GCLC: variants seen among roughly 807,000 people sequenced by gnomAD.
The protein encoded by GCLC is glutamate--cysteine ligase catalytic subunit.
A neutral mutation model predicts 81.5 loss-of-function variants in GCLC; 30 were observed. The ratio of observed to expected loss-of-function variants is 0.37; its 90% CI spans 0.28 to 0.50. The LOEUF (loss-of-function observed/expected upper bound fraction) is 0.50, where lower values mean the gene tolerates loss of function less well. Ranked by LOEUF, GCLC falls within the 20% of genes least tolerant of loss-of-function variation. GCLC has a pLI of 0.96. For synonymous variants in GCLC, 262 were observed against 273.3 expected (o/e 0.96, Z 0.41); for missense variants, 556 against 777.4 (o/e 0.72, Z 3.39).
intron 1 of GCLC, among the ~76,000 whole-genome samples, chr6:53,537,891 C>CCA (rs1763283437): frequency 6.6e-6 from 1 of 151,860 alleles, no homozygotes; most frequent in South Asian, 2.1e-4. Flanking sequence ...CACCTGCAAA[C>CCA]CACCTCACTA....
In GCLC at chr6:53,498,841, T is replaced by C. The variant is rs1417473391; in HGVS notation, c.1829A>G (p.Asn610Ser). 2 of 1,613,248 alleles carry C rather than the reference T, an allele frequency of 1.2e-6. No individual in the cohort carries two copies. Among genetic ancestry groups the C allele is most frequent in the Non-Finnish European group, 1.7e-6 (2 of 1,179,250 alleles). ...TAACTCTGGGCATTCACATAATTCA[T>C]TTGCAATTTGGTTACACTTCAAAAT... is the stretch of plus-strand genomic sequence containing the variant. The part of the protein sequence containing the change: ...SLILKCNQIA[N>S]ELCECPELLG... The change falls in exon 16 of 16, where the codon AAT (asparagine) becomes AGT (serine). Residue 610 changes from asparagine (N) to serine (S), a missense_variant. Physicochemically the swap from Asn to Ser is conservative, Grantham distance 46. Coordinates refer to ENST00000650454, the MANE Select transcript of GCLC (RefSeq NM_001498.4).
At chr6:53,527,982 G>C (rs899990684) in intron 1 of GCLC, among the ~76,000 whole-genome samples, 1 of 152,070 alleles carries the variant, frequency 6.6e-6, no homozygotes, top group Non-Finnish European at 1.5e-5. Flanking sequence ...TTAAAGTTAG[G>C]GACTCAATGC....
At position 53,514,341 on chromosome 6, in the gene GCLC, T is replaced by C. The variant is rs761855265; in HGVS notation, c.620-4A>G. The C allele has an allele frequency of 7.5e-6, 12 of 1,590,152 alleles. No homozygotes were observed. The highest frequency in any genetic ancestry group is 1.0e-5 in the Non-Finnish European group (12 of 1,158,224). On this transcript the variant is annotated splice_polypyrimidine_tract_variant and splice_region_variant and intron_variant, in intron 5 of 15. Transcript: ENST00000650454. Reference sequence around the variant, plus strand: ...GGTGTATTCTTGTCCTTAAATACTGTATTATAAAAATACAAAAATAAAAAT... The same window carrying C: ...GGTGTATTCTTGTCCTTAAATACTGCATTATAAAAATACAAAAATAAAAAT...
intron 1 of GCLC, among the ~76,000 whole-genome samples, chr6:53,541,737 A>G (rs920280021): frequency 5.9e-5 from 9 of 152,256 alleles, no homozygotes; most frequent in African/African-American, 2.2e-4. Flanking sequence ...TAAAAAATCA[A>G]TTTATAGCTT....
At chr6:53,533,266 A>C (rs1204765028) in intron 1 of GCLC, among the ~76,000 whole-genome samples, 1 of 152,248 alleles carries the variant, frequency 6.6e-6, no homozygotes, top group Non-Finnish European at 1.5e-5. Flanking sequence ...CATCATATGA[A>C]ATGTAAAAAC....
At position 53,501,542 on chromosome 6, in the gene GCLC, C is replaced by A. The variant is rs1379837563; in HGVS notation, c.1396-1029G>T. 2.0e-5 allele frequency among the ~76,000 whole-genome samples: 3 copies of A among 152,074 alleles called. No homozygotes were observed. The East Asian group carries it at 5.8e-4, about 29-fold the overall frequency. ...TTCTATAATGAAATCTTATGTGGGA[C>A]CTCAATATATACAACAGTGACCAGT... is the stretch of plus-strand genomic sequence containing the variant. On this transcript the variant is annotated intron_variant, in intron 12 of 15. Coordinates refer to ENST00000650454, the MANE Select transcript of GCLC (RefSeq NM_001498.4).
chr6:53,526,219 T>A (rs1375255156), intron 1 of GCLC, among the ~76,000 whole-genome samples: 1 of 152,222 alleles, frequency 6.6e-6, no homozygotes, highest in East Asian at 1.9e-4. Context: ...CCAAGTCATT[T>A]AATGCAGGTT....
Position 53,500,355 on chromosome 6 carries a change from C to A in GCLC, c.1478-5G>T. Reference sequence around the variant, plus strand: ...CATCCACCACTGCATTGCCACCTGCCGGAGAAGAGGGTCAGGGGAGCTTTA... The same window carrying A: ...CATCCACCACTGCATTGCCACCTGCAGGAGAAGAGGGTCAGGGGAGCTTTA... On this transcript the variant is annotated splice_polypyrimidine_tract_variant and splice_region_variant and intron_variant, in intron 13 of 15. Transcript: ENST00000650454. 6.2e-7 allele frequency: 1 copy of A among 1,613,868 alleles called. No individual in the cohort carries two copies. The highest frequency in any genetic ancestry group is 8.5e-7 in the Non-Finnish European group (1 of 1,179,780).
At chr6:53,525,328 A>C (rs2300423) in intron 1 of GCLC, among the ~76,000 whole-genome samples, 2 of 152,214 alleles carry the variant, frequency 1.3e-5, no homozygotes, top group South Asian at 4.1e-4. Context: ...TCGTAACTGC[A>C]TATTTAAAAG....
At chr6:53,504,628 A>G (rs1268484841) in intron 12 of GCLC, among the ~76,000 whole-genome samples, 1 of 152,180 alleles carries the variant, frequency 6.6e-6, no homozygotes, top group Admixed American at 6.5e-5. Flanking sequence ...GCTGACAGCC[A>G]GATTTCCTTC....
In GCLC at chr6:53,498,452, T is replaced by A. The variant is rs945490733; in HGVS notation, c.*304A>T. On this transcript the variant is annotated 3_prime_UTR_variant, in exon 16 of 16. Transcript: ENST00000650454. ...AGTATTGTACAATTACCAGTACATTTACAAAACTGCTTAGACAGTAGGTTG... is the reference window on the plus strand; with the variant it reads ...AGTATTGTACAATTACCAGTACATTAACAAAACTGCTTAGACAGTAGGTTG... 6.8e-5 allele frequency: 23 copies of A among 338,904 alleles called. No homozygotes were observed. Among genetic ancestry groups the A allele is most frequent in the African/African-American group, 4.4e-4 (21 of 47,696 alleles). 21.0% of individuals were successfully genotyped at this position (338,904 alleles called of 1,614,324 possible).
At chr6:53,526,920 T>C (rs1010896089) in intron 1 of GCLC, among the ~76,000 whole-genome samples, 7 of 152,074 alleles carry the variant, frequency 4.6e-5, no homozygotes, top group African/African-American at 1.7e-4. Flanking sequence ...AGTTCTATAA[T>C]ACTCAGAGCA....
intron 1 of GCLC, among the ~76,000 whole-genome samples, chr6:53,531,788 G>T (rs1763175503): frequency 6.6e-6 from 1 of 152,160 alleles, no homozygotes; most frequent in South Asian, 2.1e-4. Flanking sequence ...ACCCACCCTG[G>T]TGCCTCCTAA....
At chr6:53,501,290 T>C (rs1764507942) in intron 12 of GCLC, 1 of 153,638 alleles carries the variant, frequency 6.5e-6, no homozygotes, top group Non-Finnish European at 1.4e-5. Flanking sequence ...CTCCCCACTT[T>C]AGTGAGGAAA....
intron 1 of GCLC, chr6:53,523,230 T>C (rs1464639381): frequency 6.6e-6 from 1 of 152,322 alleles, no homozygotes; most frequent in African/African-American, 2.4e-5. Context: ...GTCAGACTTC[T>C]GGGCAGAATA....
intron 15 of GCLC, 104 bp from the exon 16 acceptor site, chr6:53,499,071 C>A: frequency 1.3e-6 from 1 of 768,894 alleles, no homozygotes; most frequent in South Asian, 1.4e-5. Flanking sequence ...GGAGAGAAAT[C>A]AATATGTCCT....
At chr6:53,517,404 C>T (rs964720165) in intron 3 of GCLC, among the ~76,000 whole-genome samples, 5 of 151,712 alleles carry the variant, frequency 3.3e-5, no homozygotes, top group African/African-American at 1.2e-4. Context: ...GCCATCAATG[C>T]CTTATTTTTA....
At chr6:53,542,120 G>A (rs935359806) in intron 1 of GCLC, among the ~76,000 whole-genome samples, 1 of 152,194 alleles carries the variant, frequency 6.6e-6, no homozygotes, top group African/African-American at 2.4e-5. Flanking sequence ...GCCTTCCAAA[G>A]TGTTGGGATT....
At chr6:53,536,484 A>T (rs1763259427) in intron 1 of GCLC, among the ~76,000 whole-genome samples, 1 of 152,216 alleles carries the variant, frequency 6.6e-6, no homozygotes, top group Non-Finnish European at 1.5e-5. Context: ...ATGTTTTTTT[A>T]AAAACACCTG....
Sources: gnomAD v4.1 joint callset for allele counts (sites outside exome capture counted in the v4.1 genomes callset) on GRCh38, gnomAD v4.1.1 for gene constraint, MANE v1.5 for transcripts, NCBI Gene and HGNC (gene_info 2026-07-23, HGNC 2026-07-21) for gene names.